Variants in PLEKHA5 observed in about 807,000 individuals in gnomAD.
The protein encoded by PLEKHA5 is pleckstrin homology domain-containing family A member 5.
PLEKHA5 carries 55 observed loss-of-function variants against 181.9 expected under a neutral mutation model. That is an observed-to-expected ratio of 0.30 (90% CI 0.24 to 0.38). The LOEUF is 0.38. Among genes scored for constraint, PLEKHA5 ranks in the 10% least tolerant of loss-of-function variants. The probability of loss-of-function intolerance (pLI) is 1.00; values close to 1 mark genes in which losing one functional copy is unlikely to be tolerated. For missense variants in PLEKHA5, 1,432 were observed against 1,549.5 expected, an observed-to-expected ratio of 0.92 and a Z score of 1.27; for synonymous variants, 535 against 529.4, an observed-to-expected ratio of 1.01 and a Z score of -0.15.
intron 25 of PLEKHA5, among the ~76,000 whole-genome samples, chr12:19,350,470 A>G (rs1209698643): frequency 1.3e-5 from 2 of 152,200 alleles, no homozygotes; most frequent in African/African-American, 4.8e-5. Flanking sequence ...TAAAGTTTGA[A>G]AAACATCAAA....
In PLEKHA5 at chr12:19,242,711, A is replaced by C. The variant is rs73347043; in HGVS notation, c.228-11229A>C. Among the ~76,000 whole-genome samples the C allele has an allele frequency of 3.0e-3, 455 of 152,276 alleles. 2 individuals carry two copies. The highest frequency in any genetic ancestry group is 0.011 in the African/African-American group (441 of 41,546). ...TCCCCTTAATGTTCTTAATGTCTAT[A>C]ATAATGGTTTTAGCTTTGTACTTAC... On this transcript the variant is annotated intron_variant, in intron 3 of 31. Coordinates refer to ENST00000429027, the MANE Select transcript of PLEKHA5 (RefSeq NM_001256470.2).
intron 3 of PLEKHA5, among the ~76,000 whole-genome samples, chr12:19,241,240 C>G (rs965380772): frequency 1.3e-5 from 2 of 152,100 alleles, no homozygotes; most frequent in Non-Finnish European, 2.9e-5. Flanking sequence ...TGATGTGTAA[C>G]CAGATAATTT....
At chr12:19,338,298 A>G (rs1248521791) in intron 21 of PLEKHA5, among the ~76,000 whole-genome samples, 2 of 152,032 alleles carry the variant, frequency 1.3e-5, no homozygotes, top group Non-Finnish European at 2.9e-5. Flanking sequence ...TCCTGGGCCC[A>G]AGTGATCCTC....
At chr12:19,267,420 G>C (rs767512349) in intron 8 of PLEKHA5, among the ~76,000 whole-genome samples, 8 of 152,170 alleles carry the variant, frequency 5.3e-5, no homozygotes, top group Non-Finnish European at 1.0e-4. Flanking sequence ...CACTTTGGGA[G>C]GCTGAGGCAG....
intron 3 of PLEKHA5, chr12:19,207,745 C>T (rs1476907543): frequency 6.6e-6 from 1 of 152,088 alleles, no homozygotes; most frequent in Non-Finnish European, 1.5e-5. Context: ...TAATATTAAA[C>T]ATTTGGCAAG....
chr12:19,368,091 CTT>C (rs1372307189), intron 30 of PLEKHA5, among the ~76,000 whole-genome samples: 2 of 151,902 alleles, frequency 1.3e-5, no homozygotes, highest in African/African-American at 4.8e-5. Flanking sequence ...ATAAAATAAA[CTT>C]TATTTAATTT....
intron 3 of PLEKHA5, among the ~76,000 whole-genome samples, chr12:19,137,261 T>C (rs1422629667): frequency 6.6e-6 from 1 of 152,156 alleles, no homozygotes; most frequent in Non-Finnish European, 1.5e-5. Context: ...GGTCTCAAAC[T>C]CCTGACCTCA....
intron 13 of PLEKHA5, among the ~76,000 whole-genome samples, chr12:19,288,460 C>CT: frequency 6.6e-6 from 1 of 152,206 alleles, no homozygotes; most frequent in East Asian, 1.9e-4. Context: ...TAATGGTATT[C>CT]TTTTATCAGG....
chr12:19,292,233 C>G (rs925249017), intron 15 of PLEKHA5, among the ~76,000 whole-genome samples: 1 of 152,022 alleles, frequency 6.6e-6, no homozygotes, highest in African/African-American at 2.4e-5. Context: ...TGGAGAAACC[C>G]TGCCTCTACT....
At chr12:19,246,729 A>T (rs903683524) in intron 3 of PLEKHA5, among the ~76,000 whole-genome samples, 3 of 151,994 alleles carry the variant, frequency 2.0e-5, no homozygotes, top group African/African-American at 4.8e-5. Flanking sequence ...GATATCAGAT[A>T]AAAAAAGATT....
intron 3 of PLEKHA5, among the ~76,000 whole-genome samples, chr12:19,198,490 C>T (rs1185208714): frequency 6.6e-6 from 1 of 152,194 alleles, no homozygotes; most frequent in Non-Finnish European, 1.5e-5. Flanking sequence ...TAGTTCTTTG[C>T]ATAACCCTTT....
intron 3 of PLEKHA5, among the ~76,000 whole-genome samples, chr12:19,146,407 T>G (rs2038925499): frequency 6.6e-6 from 1 of 152,234 alleles, no homozygotes; most frequent in African/African-American, 2.4e-5. Flanking sequence ...TTATGTTAGG[T>G]ATTTATTTGT....
intron 22 of PLEKHA5, among the ~76,000 whole-genome samples, chr12:19,344,559 A>T (rs1192699058): frequency 6.6e-6 from 1 of 152,230 alleles, no homozygotes; most frequent in Non-Finnish European, 1.5e-5. Context: ...AACATTATTA[A>T]TACATACAAC....
At chr12:19,172,495 A>G (rs540408640) in intron 3 of PLEKHA5, among the ~76,000 whole-genome samples, 1 of 152,362 alleles carries the variant, frequency 6.6e-6, no homozygotes, top group East Asian at 1.9e-4. Flanking sequence ...CTTCCTCAAG[A>G]AGATATACAG....
chr12:19,240,398 G>A (rs2094275686), intron 3 of PLEKHA5, among the ~76,000 whole-genome samples: 1 of 148,724 alleles, frequency 6.7e-6, no homozygotes, highest in African/African-American at 2.5e-5. Context: ...TCTATATAAT[G>A]CATGTTACAA....
At chr12:19,239,839 A>G (rs1360417606) in intron 3 of PLEKHA5, among the ~76,000 whole-genome samples, 1 of 152,112 alleles carries the variant, frequency 6.6e-6, no homozygotes, top group Non-Finnish European at 1.5e-5. Flanking sequence ...TTTCCTTTCT[A>G]AGCAAGATCA....
At chr12:19,266,302 TAAAAC>T (rs1326504659) in intron 8 of PLEKHA5, among the ~76,000 whole-genome samples, 3 of 149,170 alleles carry the variant, frequency 2.0e-5, no homozygotes, top group Non-Finnish European at 4.5e-5. Context: ...ACCCTGTCTC[TAAAAC>T]AAAACAAAAC....
chr12:19,242,770 G>A (rs1190897970), intron 3 of PLEKHA5, among the ~76,000 whole-genome samples: 1 of 152,090 alleles, frequency 6.6e-6, no homozygotes. Context: ...TCTCACTGGG[G>A]TTTAAGTCAT....
At chr12:19,142,961 A>G (rs1000480758) in intron 3 of PLEKHA5, among the ~76,000 whole-genome samples, 1 of 152,188 alleles carries the variant, frequency 6.6e-6, no homozygotes, top group African/African-American at 2.4e-5. Flanking sequence ...ACAAAAGGCA[A>G]GGTCTCATTT....
Sources: gnomAD v4.1 joint callset for allele counts (sites outside exome capture counted in the v4.1 genomes callset) on GRCh38, gnomAD v4.1.1 for gene constraint, MANE v1.5 for transcripts, NCBI Gene and HGNC (gene_info 2026-07-23, HGNC 2026-07-21) for gene names.